Variants in TRIM2 observed in about 807,000 individuals in gnomAD.
TRIM2 encodes the protein tripartite motif containing 2, also known as tripartite motif-containing protein 2.
TRIM2 carries 20 observed loss-of-function variants against 75.2 expected under a neutral mutation model. The ratio of observed to expected loss-of-function variants is 0.27; its 90% confidence interval spans 0.19 to 0.39. TRIM2 has a LOEUF of 0.39. Among genes scored for constraint, TRIM2 ranks in the 10% least tolerant of loss-of-function variants. The pLI is 1.00. For missense variants in TRIM2, 660 were observed against 990.8 expected (o/e 0.67, Z 4.48); for synonymous variants, 373 against 388.3 (o/e 0.96, Z 0.46).
chr4:153,209,707 G>A (rs550752445), intron 1 of TRIM2, among the ~76,000 whole-genome samples: 1 of 152,296 alleles, frequency 6.6e-6, no homozygotes, highest in Non-Finnish European at 1.5e-5. Flanking sequence ...CTTCACGAAC[G>A]TTACCAACTT....
intron 1 of TRIM2, among the ~76,000 whole-genome samples, chr4:153,174,993 GTTGTTTTGTTT>G (rs889320207): frequency 3.9e-5 from 5 of 129,434 alleles, no homozygotes; most frequent in African/African-American, 1.1e-4. Context: ...TGTTGTTGTT[GTTGTTTTGTTT>G]TTGTTTTGTT....
chr4:153,169,860 C>A (rs1730671696), intron 1 of TRIM2, among the ~76,000 whole-genome samples: 1 of 152,198 alleles, frequency 6.6e-6, no homozygotes, highest in African/African-American at 2.4e-5. Flanking sequence ...GATACGTGAA[C>A]CATGTTCATT....
chr4:153,286,739 CCA>C (rs1280200774), intron 3 of TRIM2, among the ~76,000 whole-genome samples: 3 of 150,926 alleles, frequency 2.0e-5, no homozygotes, highest in Admixed American at 6.6e-5. Flanking sequence ...ACCACCCCTG[CCA>C]CACACACACA....
chr4:153,182,771 T>A (rs1367495949), intron 1 of TRIM2, among the ~76,000 whole-genome samples: 1 of 152,194 alleles, frequency 6.6e-6, no homozygotes, highest in Non-Finnish European at 1.5e-5. Context: ...CCCAGCCCCG[T>A]CATTCCCCTT....
chr4:153,211,051 G>C (rs560543253), intron 1 of TRIM2, among the ~76,000 whole-genome samples: 1 of 152,292 alleles, frequency 6.6e-6, no homozygotes, highest in South Asian at 2.1e-4. Flanking sequence ...TCACTGTCCA[G>C]GGGCATTCAG....
chr4:153,292,912 A>G, intron 3 of TRIM2, 70 bp from the exon 4 acceptor site: 1 of 1,358,168 alleles, frequency 7.4e-7, no homozygotes. Flanking sequence ...ACTGCAAGGC[A>G]AGTGCTTAGT....
intron 10 of TRIM2, among the ~76,000 whole-genome samples, chr4:153,328,022 T>C (rs970289336): frequency 2.0e-5 from 3 of 152,204 alleles, no homozygotes; most frequent in Admixed American, 2.0e-4. Flanking sequence ...ATTCTAAGTA[T>C]GGAGTCCAGC....
chr4:153,265,206 T>C (rs1216112672), intron 1 of TRIM2, among the ~76,000 whole-genome samples: 1 of 152,120 alleles, frequency 6.6e-6, no homozygotes, highest in Non-Finnish European at 1.5e-5. Context: ...TTCTCTCTGC[T>C]TTTTTCAATA....
At chr4:153,164,065 C>T (rs1229250131) in intron 1 of TRIM2, among the ~76,000 whole-genome samples, 4 of 152,098 alleles carry the variant, frequency 2.6e-5, no homozygotes, top group South Asian at 2.1e-4. Flanking sequence ...AACTTCTCCC[C>T]GAAAAGAAGC....
intron 1 of TRIM2, among the ~76,000 whole-genome samples, chr4:153,174,530 A>G (rs2149620691): frequency 6.6e-6 from 1 of 152,280 alleles, no homozygotes. Context: ...CACAGATCAG[A>G]CAGGCTGCCC....
intron 1 of TRIM2, among the ~76,000 whole-genome samples, chr4:153,156,217 C>A (rs942145966): frequency 6.6e-6 from 1 of 152,182 alleles, no homozygotes; most frequent in Admixed American, 6.5e-5. Context: ...CCCGGGGCCT[C>A]TTCTAGCTTC....
chr4:153,209,317 G>A (rs537447293), intron 1 of TRIM2, among the ~76,000 whole-genome samples: 41 of 152,088 alleles, frequency 2.7e-4, no homozygotes, highest in Non-Finnish European at 5.0e-4. Context: ...TTATCACTCC[G>A]ATATGTTCAA....
intron 1 of TRIM2, among the ~76,000 whole-genome samples, chr4:153,205,748 AG>A (rs1369328662): frequency 1.3e-5 from 2 of 152,210 alleles, no homozygotes; most frequent in Admixed American, 1.3e-4. Context: ...TCTATTATCT[AG>A]GTACACCTTG....
At chr4:153,302,249 T>G (rs1450888370) in intron 6 of TRIM2, among the ~76,000 whole-genome samples, 1 of 152,206 alleles carries the variant, frequency 6.6e-6, no homozygotes, top group East Asian at 1.9e-4. Context: ...CTTGCATTCG[T>G]CTTTAACTTT....
chr4:153,297,181 C>A (rs1018116008), intron 6 of TRIM2, among the ~76,000 whole-genome samples: 3 of 152,164 alleles, frequency 2.0e-5, no homozygotes, highest in African/African-American at 7.2e-5. Flanking sequence ...ATGCTTCAGG[C>A]TGAATCTTCG....
At chr4:153,216,427 C>A (rs901586366) in intron 1 of TRIM2, among the ~76,000 whole-genome samples, 4 of 152,192 alleles carry the variant, frequency 2.6e-5, no homozygotes, top group African/African-American at 9.7e-5. Flanking sequence ...TCCCAGTTCA[C>A]TTCCTTAGTC....
At position 153,335,865 on chromosome 4, in the gene TRIM2, A is replaced by G; in HGVS notation, c.*899A>G. 4.1e-6 allele frequency: 4 copies of G among 985,774 alleles called. No homozygotes were observed. The highest frequency in any genetic ancestry group is 4.8e-6 in the Non-Finnish European group (4 of 829,908). 61.1% of individuals were successfully genotyped at this position (985,774 alleles called of 1,614,324 possible). A position where few individuals can be genotyped will look rare whatever the true frequency, so the allele number is the denominator to read the frequency against. On this transcript the variant is annotated 3_prime_UTR_variant, in exon 12 of 12. Transcript: ENST00000338700. ...AAAGCGAAAGCTTTACCTCCTGCAAATGTCAGCACATGTAGTAGGACACCA... is the reference window on the plus strand; with the variant it reads ...AAAGCGAAAGCTTTACCTCCTGCAAGTGTCAGCACATGTAGTAGGACACCA...
intron 1 of TRIM2, among the ~76,000 whole-genome samples, chr4:153,232,873 C>T (rs957197679): frequency 2.0e-5 from 3 of 152,140 alleles, no homozygotes; most frequent in Non-Finnish European, 4.4e-5. Context: ...GTCAGCCACT[C>T]CAGTGAGAGT....
intron 6 of TRIM2, among the ~76,000 whole-genome samples, chr4:153,306,696 A>G (rs1349463045): frequency 6.6e-6 from 1 of 152,198 alleles, no homozygotes; most frequent in African/African-American, 2.4e-5. Context: ...CAATAACCCT[A>G]CAGCATCATA....
Sources: gnomAD v4.1 joint callset for allele counts (sites outside exome capture counted in the v4.1 genomes callset) on GRCh38, gnomAD v4.1.1 for gene constraint, MANE v1.5 for transcripts, NCBI Gene and HGNC (gene_info 2026-07-23, HGNC 2026-07-21) for gene names.